Variants in PRKCA observed in about 807,000 individuals in gnomAD.
PRKCA encodes the protein protein kinase C alpha, also known as protein kinase C alpha type.
Under a neutral mutation model 87.0 loss-of-function variants are expected in PRKCA, and 27 were observed. The ratio of observed to expected loss-of-function variants is 0.31; its 90% CI spans 0.23 to 0.43. PRKCA has a LOEUF of 0.43. PRKCA is among the 20% of genes least tolerant of loss of function. The probability of loss-of-function intolerance (pLI) is 1.00; values close to 1 mark genes in which losing one functional copy is unlikely to be tolerated. For synonymous variants in PRKCA, 329 were observed against 311.1 expected, an observed-to-expected ratio of 1.06 and a Z score of -0.61; for missense variants, 518 against 852.3, an observed-to-expected ratio of 0.61 and a Z score of 4.88.
intron 1 of PRKCA, 124 bp from the exon 2 acceptor site, chr17:66,305,972 A>G (rs1231881159): frequency 1.6e-5 from 14 of 878,252 alleles, no homozygotes; most frequent in Admixed American, 2.2e-5. Context: ...GTTTTTTTCT[A>G]TTAAATCATT....
At chr17:66,561,893 A>G (rs1296622599) in intron 3 of PRKCA, among the ~76,000 whole-genome samples, 2 of 151,864 alleles carry the variant, frequency 1.3e-5, no homozygotes. Flanking sequence ...TAGAGGCTAC[A>G]GGGAAGGAGG....
chr17:66,607,347 T>C (rs1031559321), intron 3 of PRKCA, among the ~76,000 whole-genome samples: 25 of 152,194 alleles, frequency 1.6e-4, no homozygotes, highest in African/African-American at 5.1e-4. Context: ...GTGAGTTAAG[T>C]GGAGAATTGT....
At position 66,809,094 on chromosome 17, in the gene PRKCA, A is replaced by T. The variant is rs113741334; in HGVS notation, c.*5057A>T. 23 of 152,180 alleles carry T rather than the reference A, an allele frequency of 1.5e-4. No individual in the cohort carries two copies. Among genetic ancestry groups the T allele is most frequent in the African/African-American group, 5.1e-4 (21 of 41,436 alleles). 9.4% of individuals were successfully genotyped at this position (152,180 alleles called of 1,614,324 possible). ...ACGGTCAACATTCCTGTCTCCTCCCATTTGGGCTGATGCAGCAGATCCAGG... is the reference window on the plus strand; with the variant it reads ...ACGGTCAACATTCCTGTCTCCTCCCTTTTGGGCTGATGCAGCAGATCCAGG... On this transcript the variant is annotated 3_prime_UTR_variant, in exon 17 of 17. Transcript: ENST00000413366.
At chr17:66,372,497 A>T (rs1290625767) in intron 2 of PRKCA, among the ~76,000 whole-genome samples, 4 of 152,170 alleles carry the variant, frequency 2.6e-5, no homozygotes, top group Non-Finnish European at 2.9e-5. Flanking sequence ...TCTCACGCAA[A>T]ATTTAAGAAA....
At chr17:66,603,634 T>C (rs1008478055) in intron 3 of PRKCA, among the ~76,000 whole-genome samples, 4 of 152,186 alleles carry the variant, frequency 2.6e-5, no homozygotes, top group African/African-American at 9.7e-5. Flanking sequence ...TTACCACTTT[T>C]AACTGTGGAA....
At chr17:66,558,299 G>A (rs16959643) in intron 3 of PRKCA, among the ~76,000 whole-genome samples, 35,331 of 152,226 alleles carry the variant, frequency 0.23, 4,202 homozygotes, top group South Asian at 0.35. Context: ...CAGTCAACAT[G>A]TATGCCAATA....
At chr17:66,641,700 G>T (rs527744979) in intron 4 of PRKCA, among the ~76,000 whole-genome samples, 1 of 151,536 alleles carries the variant, frequency 6.6e-6, no homozygotes, top group South Asian at 2.1e-4. Context: ...TATAAATGAG[G>T]TTGGTGGGTG....
rs150851880 is a variant in PRKCA, at chr17:66,696,957, G to A, written c.918+7910G>A. Among the ~76,000 whole-genome samples, 625 of 152,104 alleles carry A rather than the reference G, an allele frequency of 4.1e-3. 2 individuals are homozygous for A. The highest frequency in any genetic ancestry group is 7.1e-3 in the Non-Finnish European group (485 of 68,018). ...CTCCCAGGTTGCTAATGCCACCTTG[G>A]CCTGACTCCGCCGTAAGCATCTGTG... On this transcript the variant is annotated intron_variant, in intron 8 of 16. Transcript: ENST00000413366.
intron 2 of PRKCA, among the ~76,000 whole-genome samples, chr17:66,389,247 A>G (rs1399214241): frequency 6.6e-6 from 1 of 152,148 alleles, no homozygotes; most frequent in Non-Finnish European, 1.5e-5. Context: ...GTTAAATTTC[A>G]CTTTAATACA....
At chr17:66,489,321 A>C (rs1916115157) in intron 2 of PRKCA, among the ~76,000 whole-genome samples, 1 of 143,412 alleles carries the variant, frequency 7.0e-6, no homozygotes, top group Admixed American at 7.0e-5. Flanking sequence ...TTATTTTTTA[A>C]AGGAGAAATG....
At chr17:66,438,054 C>T (rs1427407462) in intron 2 of PRKCA, among the ~76,000 whole-genome samples, 2 of 151,948 alleles carry the variant, frequency 1.3e-5, no homozygotes. Flanking sequence ...ACTCCCAAAC[C>T]CTCAAAGAGG....
chr17:66,722,095 T>G (rs1444731644), intron 8 of PRKCA, among the ~76,000 whole-genome samples: 1 of 152,172 alleles, frequency 6.6e-6, no homozygotes, highest in African/African-American at 2.4e-5. Context: ...CAGCACCCCT[T>G]GTAAGAATTT....
chr17:66,649,390 G>T (rs1283054243), intron 5 of PRKCA, among the ~76,000 whole-genome samples: 1 of 152,198 alleles, frequency 6.6e-6, no homozygotes, highest in African/African-American at 2.4e-5. Flanking sequence ...TATATTTATT[G>T]TTCATAGGAC....
At chr17:66,655,431 C>G (rs1214612900) in intron 5 of PRKCA, among the ~76,000 whole-genome samples, 1 of 152,170 alleles carries the variant, frequency 6.6e-6, no homozygotes, top group African/African-American at 2.4e-5. Flanking sequence ...CTCACTTTTG[C>G]TTGTGCCATT....
In PRKCA at chr17:66,480,915, TC is replaced by T. The variant is rs370116643; in HGVS notation, c.206-15281del. Among the ~76,000 whole-genome samples, 1,066 of 152,282 alleles carry T rather than the reference TC, an allele frequency of 7.0e-3. 10 individuals are homozygous for T. Among genetic ancestry groups the T allele is most frequent in the South Asian group, 0.024 (118 of 4,818 alleles). On this transcript the variant is annotated intron_variant, in intron 2 of 16. Coordinates refer to ENST00000413366, the MANE Select transcript of PRKCA (RefSeq NM_002737.3). ...CTTGGTCAATGTGAATTGCGTTCCT[TC>T]CCCCGGTGCTTGATTTTCCTTTGAC...
intron 2 of PRKCA, among the ~76,000 whole-genome samples, chr17:66,335,196 A>G (rs1321589139): frequency 1.3e-5 from 2 of 152,234 alleles, no homozygotes; most frequent in Admixed American, 1.3e-4. Context: ...TGGTGTGATC[A>G]TAGCTCATGA....
intron 2 of PRKCA, among the ~76,000 whole-genome samples, chr17:66,385,193 C>G (rs1244558700): frequency 6.6e-6 from 1 of 152,204 alleles, no homozygotes; most frequent in African/African-American, 2.4e-5. Context: ...CTTCCCTTGT[C>G]TTACCTTACT....
intron 3 of PRKCA, among the ~76,000 whole-genome samples, chr17:66,545,976 C>T (rs763686646): frequency 4.6e-5 from 7 of 152,170 alleles, no homozygotes; most frequent in Non-Finnish European, 7.3e-5. Flanking sequence ...GTCTAGCTTT[C>T]TTTTAGATTA....
At chr17:66,525,069 A>G (rs1267736473) in intron 3 of PRKCA, among the ~76,000 whole-genome samples, 1 of 152,204 alleles carries the variant, frequency 6.6e-6, no homozygotes, top group Non-Finnish European at 1.5e-5. Context: ...AATGCAGTGC[A>G]GTTGACATCA....
Sources: allele counts gnomAD v4.1 joint callset (sites outside exome capture counted in the v4.1 genomes callset), GRCh38; gene constraint gnomAD v4.1.1; transcripts MANE v1.5; gene names NCBI Gene and HGNC (gene_info 2026-07-23, HGNC 2026-07-21).